The following NAALADL2 variants were observed in gnomAD, a reference collection of about 807,000 sequenced individuals.
NAALADL2 encodes inactive N-acetylated-alpha-linked acidic dipeptidase-like protein 2.
Under a neutral mutation model 87.2 loss-of-function variants are expected in NAALADL2, and 76 were observed. The ratio of observed to expected loss-of-function variants is 0.87; its 90% CI spans 0.72 to 1.05. NAALADL2 has a LOEUF of 1.05. NAALADL2 is among the 50% of genes least tolerant of loss of function. The probability of loss-of-function intolerance (pLI) is 0.00; values close to 1 mark genes in which losing one functional copy is unlikely to be tolerated. For missense variants in NAALADL2, 1,089 were observed against 945.8 expected (o/e 1.15, Z -1.99); for synonymous variants, 354 against 331.0 (o/e 1.07, Z -0.75).
intron 5 of NAALADL2, among the ~76,000 whole-genome samples, chr3:175,367,234 C>T (rs189551714): frequency 6.6e-5 from 10 of 151,768 alleles, no homozygotes; most frequent in African/African-American, 2.2e-4. Flanking sequence ...TATTTTGGTA[C>T]CAGTTCCATG....
At chr3:175,082,572 A>C (rs1477190234) in intron 1 of NAALADL2, among the ~76,000 whole-genome samples, 1 of 152,256 alleles carries the variant, frequency 6.6e-6, no homozygotes, top group East Asian at 1.9e-4. Flanking sequence ...GAAGCACTTT[A>C]TTTTTTAAGA....
At chr3:174,941,311 A>G (rs1738554731) in intron 1 of NAALADL2, among the ~76,000 whole-genome samples, 1 of 152,148 alleles carries the variant, frequency 6.6e-6, no homozygotes, top group Admixed American at 6.6e-5. Context: ...CATGATTTTA[A>G]GCAATGTGTT....
intron 2 of NAALADL2, among the ~76,000 whole-genome samples, chr3:174,584,536 T>A (rs1346668533): frequency 2.0e-5 from 3 of 152,152 alleles, no homozygotes; most frequent in Non-Finnish European, 2.9e-5. Flanking sequence ...TATTTTCAAA[T>A]GTTGCTTTTA....
intron 2 of NAALADL2, among the ~76,000 whole-genome samples, chr3:174,715,010 G>A (rs935395070): frequency 3.4e-4 from 52 of 152,124 alleles, no homozygotes; most frequent in African/African-American, 1.2e-3. Flanking sequence ...AGCATGAAGA[G>A]TTGTTGAATT....
At chr3:174,810,597 CAAAA>C (rs71624292) in intron 3 of NAALADL2, among the ~76,000 whole-genome samples, 1 of 110,120 alleles carries the variant, frequency 9.1e-6, no homozygotes, top group Non-Finnish European at 1.9e-5. Flanking sequence ...TATATGTAAG[CAAAA>C]AAAAAAAAAA....
chr3:175,367,086 A>T (rs1386297153), intron 5 of NAALADL2, among the ~76,000 whole-genome samples: 2 of 151,360 alleles, frequency 1.3e-5, no homozygotes, highest in East Asian at 3.9e-4. Context: ...ATGGCTAGCC[A>T]GTTTTCCCAG....
intron 1 of NAALADL2, among the ~76,000 whole-genome samples, chr3:174,451,284 T>C (rs1715462691): frequency 2.6e-5 from 4 of 152,232 alleles, no homozygotes; most frequent in Non-Finnish European, 5.9e-5. Flanking sequence ...CATTACCGAT[T>C]CTTTCCTGGA....
chr3:175,433,064 A>C (rs1443443029), intron 5 of NAALADL2, among the ~76,000 whole-genome samples: 1 of 151,998 alleles, frequency 6.6e-6, no homozygotes, highest in Admixed American at 6.6e-5. Flanking sequence ...AGTTGCAGTC[A>C]TGAAGCTGTA....
intron 11 of NAALADL2, among the ~76,000 whole-genome samples, chr3:175,729,735 A>C (rs1442232356): frequency 6.6e-6 from 1 of 151,258 alleles, no homozygotes; most frequent in Admixed American, 6.6e-5. Context: ...CTCATTGCAC[A>C]ATTAAACTCC....
At chr3:175,669,469 T>C (rs1046323673) in intron 11 of NAALADL2, among the ~76,000 whole-genome samples, 1 of 152,058 alleles carries the variant, frequency 6.6e-6, no homozygotes, top group South Asian at 2.1e-4. Flanking sequence ...GAAGAAAAAA[T>C]TTGTTTTCAA....
chr3:175,249,862 T>G (rs1267240012), intron 3 of NAALADL2, among the ~76,000 whole-genome samples: 1 of 152,014 alleles, frequency 6.6e-6, no homozygotes, highest in East Asian at 1.9e-4. Flanking sequence ...AAGGGTTGGG[T>G]CCTGATCTGA....
chr3:175,608,760 C>T (rs1724143786), intron 10 of NAALADL2, among the ~76,000 whole-genome samples: 1 of 152,084 alleles, frequency 6.6e-6, no homozygotes, highest in Non-Finnish European at 1.5e-5. Flanking sequence ...CCATCACAAG[C>T]TTAGTGAATG....
intron 13 of NAALADL2, among the ~76,000 whole-genome samples, chr3:175,772,853 A>G (rs1231988308): frequency 6.6e-6 from 1 of 152,048 alleles, no homozygotes; most frequent in Admixed American, 6.6e-5. Context: ...TACTTCTGTG[A>G]CATTTTAGTG....
chr3:175,402,853 C>CTG (rs1482245029), intron 5 of NAALADL2, among the ~76,000 whole-genome samples: 1 of 152,118 alleles, frequency 6.6e-6, no homozygotes, highest in Non-Finnish European at 1.5e-5. Flanking sequence ...TAGCACTATG[C>CTG]TGTAAATGAT....
intron 1 of NAALADL2, among the ~76,000 whole-genome samples, chr3:175,062,054 T>G (rs1273679431): frequency 2.0e-5 from 3 of 152,054 alleles, no homozygotes; most frequent in African/African-American, 7.3e-5. Flanking sequence ...TTTCTTTTAT[T>G]TAACATGAAC....
intron 1 of NAALADL2, among the ~76,000 whole-genome samples, chr3:174,997,807 ACT>A (rs1039663375): frequency 2.2e-4 from 33 of 151,422 alleles, no homozygotes; most frequent in South Asian, 6.3e-4. Flanking sequence ...GAAGAGCAAA[ACT>A]CTGTCTCAAA....
At chr3:175,281,183 TA>T (rs1034086305) in intron 4 of NAALADL2, among the ~76,000 whole-genome samples, 24 of 151,606 alleles carry the variant, frequency 1.6e-4, no homozygotes, top group African/African-American at 5.5e-4. Flanking sequence ...TACATTTAGT[TA>T]TTTTTTAGAA....
intron 1 of NAALADL2, among the ~76,000 whole-genome samples, chr3:174,530,772 C>A (rs75891999): frequency 0.014 from 2,087 of 152,222 alleles, 49 homozygotes; most frequent in African/African-American, 0.048. Context: ...TCCCACAACA[C>A]GTGGGAATTC....
chr3:174,469,952 C>A (rs1716796568), intron 1 of NAALADL2, among the ~76,000 whole-genome samples: 3 of 152,050 alleles, frequency 2.0e-5, no homozygotes, highest in Admixed American at 1.3e-4. Flanking sequence ...CTACAATTAC[C>A]ATCTTTATAG....
Sources: gnomAD v4.1 joint callset for allele counts (sites outside exome capture counted in the v4.1 genomes callset) on GRCh38, gnomAD v4.1.1 for gene constraint, MANE v1.5 for transcripts, NCBI Gene and HGNC (gene_info 2026-07-23, HGNC 2026-07-21) for gene names.